The following UGT1A10 variants were observed in gnomAD, a reference collection of about 807,000 sequenced individuals.
UGT1A10 encodes the protein UDP glucuronosyltransferase family 1 member A10.
A neutral mutation model predicts 45.8 loss-of-function variants in UGT1A10; 49 were observed. That is an observed-to-expected ratio of 1.07 (90% CI 0.85 to 1.36). The LOEUF is 1.36. Among genes scored for constraint, UGT1A10 ranks in the 40% most tolerant of loss-of-function variants. UGT1A10 has a pLI of 0.00. For synonymous variants in UGT1A10, 284 were observed against 249.7 expected (o/e 1.14, Z -1.29); for missense variants, 745 against 668.6 (o/e 1.11, Z -1.26).
At chr2:233,727,155 T>C (rs2077588603) in intron 1 of UGT1A10, among the ~76,000 whole-genome samples, 1 of 152,182 alleles carries the variant, frequency 6.6e-6, no homozygotes, top group South Asian at 2.1e-4. Flanking sequence ...GGTCAGTCTT[T>C]CAGGATGCTT....
chr2:233,726,353 T>C lies in UGT1A10; in HGVS notation c.856-40681T>C, dbSNP rs2077527034. Among the ~76,000 whole-genome samples the C allele has an allele frequency of 2.0e-5, 3 of 152,202 alleles. No individual in the cohort carries two copies. The South Asian group carries it at 6.2e-4, about 32-fold the overall frequency. ...CACCTGTGGTTTTTTGATTTATTTA[T>C]TTAAAACACAACAAAAACCAAAATT... On this transcript the variant is annotated intron_variant, in intron 1 of 4. Transcript: ENST00000344644.
At chr2:233,760,501 G>A (rs2125985080) in intron 1 of UGT1A10, 3 of 1,614,238 alleles carry the variant, frequency 1.9e-6, no homozygotes, top group Non-Finnish European at 2.5e-6. Flanking sequence ...CAGAGACGGA[G>A]CATTTTACAC....
In UGT1A10 at chr2:233,693,735, T is replaced by A. The variant is rs375588110; in HGVS notation, c.855+56358T>A. 4.6e-5 allele frequency: 74 copies of A among 1,614,106 alleles called. No individual in the cohort carries two copies. The highest frequency in any genetic ancestry group is 3.3e-5 in the South Asian group (3 of 91,090). ...GTCCTCAAGAGAGATGTGGATATAA[T>A]CACCTTATATCAGAAGGTCTCTGTT... is the stretch of plus-strand genomic sequence containing the variant. On this transcript the variant is annotated intron_variant, in intron 1 of 4. Transcript: ENST00000344644.
intron 1 of UGT1A10, among the ~76,000 whole-genome samples, chr2:233,657,143 C>T (rs552684058): frequency 1.1e-4 from 17 of 152,326 alleles, no homozygotes; most frequent in Non-Finnish European, 2.4e-4. Flanking sequence ...TCTGGTGATG[C>T]CCTGTGGCCT....
At chr2:233,689,865 T>G in intron 1 of UGT1A10, 1 of 456,466 alleles carries the variant, frequency 2.2e-6, no homozygotes. Flanking sequence ...TACTATTACC[T>G]TCTTGCTTAT....
intron 1 of UGT1A10, among the ~76,000 whole-genome samples, chr2:233,660,711 C>T (rs1207136868): frequency 6.6e-6 from 1 of 152,188 alleles, no homozygotes. Context: ...GTGCCCGCTT[C>T]TCTTCCTTAC....
intron 1 of UGT1A10, among the ~76,000 whole-genome samples, chr2:233,645,337 A>G (rs759041120): frequency 5.3e-5 from 8 of 152,188 alleles, no homozygotes; most frequent in Non-Finnish European, 1.0e-4. Flanking sequence ...GCCAAACCAT[A>G]TGATTCCACC....
At chr2:233,743,990 CG>C in intron 1 of UGT1A10, 1 of 1,267,322 alleles carries the variant, frequency 7.9e-7, no homozygotes, top group Admixed American at 2.4e-5. Context: ...GGCGCAGGCC[CG>C]AGTGCTCGGA....
In UGT1A10 at chr2:233,755,218, C is replaced by T. The variant is rs1203897935; in HGVS notation, c.856-11816C>T. 1.4e-5 allele frequency: 14 copies of T among 1,027,208 alleles called. No individual in the cohort carries two copies. In the South Asian group the frequency reaches 1.5e-4, roughly 11 times the overall value. 63.6% of individuals were successfully genotyped at this position (1,027,208 alleles called of 1,614,324 possible). ...AGCTTGCGGTACGCCTTCTTGATACCCTCGGACGAGGCCTACCGGGGTACT... is the reference window on the plus strand; with the variant it reads ...AGCTTGCGGTACGCCTTCTTGATACTCTCGGACGAGGCCTACCGGGGTACT... On this transcript the variant is annotated intron_variant, in intron 1 of 4. Transcript: ENST00000344644.
At chr2:233,703,429 CT>C (rs2075738163) in intron 1 of UGT1A10, among the ~76,000 whole-genome samples, 1 of 151,928 alleles carries the variant, frequency 6.6e-6, no homozygotes, top group Non-Finnish European at 1.5e-5. Context: ...TCTATTGCTT[CT>C]CTATTTCTAT....
intron 1 of UGT1A10, among the ~76,000 whole-genome samples, chr2:233,764,304 G>T (rs1377470557): frequency 6.6e-6 from 1 of 152,130 alleles, no homozygotes; most frequent in Non-Finnish European, 1.5e-5. Context: ...TCAGGGTGAA[G>T]TTTAAGGGAA....
At chr2:233,710,843 G>T (rs1338950468) in intron 1 of UGT1A10, among the ~76,000 whole-genome samples, 1 of 152,164 alleles carries the variant, frequency 6.6e-6, no homozygotes, top group Admixed American at 6.5e-5. Flanking sequence ...AAAGGTGGGA[G>T]GATTTGTTTC....
At chr2:233,690,915 CATTTCTTCAGCTCCTT>C in intron 1 of UGT1A10, 2 of 1,022,090 alleles carry the variant, frequency 2.0e-6, no homozygotes, top group Non-Finnish European at 1.2e-6. Context: ...ATGTTAGTTT[CATTTCTTCAGCTCCTT>C]CCTCCAACTC....
chr2:233,664,585 G>A (rs1559330576), intron 1 of UGT1A10, among the ~76,000 whole-genome samples: 1 of 152,198 alleles, frequency 6.6e-6, no homozygotes, highest in African/African-American at 2.4e-5. Flanking sequence ...GCAGGAGCAT[G>A]TCACATGACA....
At chr2:233,645,152 A>G (rs2073566232) in intron 1 of UGT1A10, among the ~76,000 whole-genome samples, 1 of 152,176 alleles carries the variant, frequency 6.6e-6, no homozygotes, top group African/African-American at 2.4e-5. Context: ...GCATCGATGA[A>G]AGCAATCCAG....
rs3064744 is a variant in UGT1A10, at chr2:233,760,233, C to CATAT, written c.856-6789_856-6786dup. ...ACTTGGTGTATCGATTGGTTTTTGCCATATATATATATATAAGTAGGAGAG... is the reference window on the plus strand; with the variant it reads ...ACTTGGTGTATCGATTGGTTTTTGCCATATATATATATATATATAAGTAGGAGAG... On this transcript the variant is annotated intron_variant, in intron 1 of 4. Coordinates refer to ENST00000344644, the MANE Select transcript of UGT1A10 (RefSeq NM_019075.4). 3.8e-3 allele frequency: 5,602 copies of CATAT among 1,482,566 alleles called. 51 individuals are homozygous for CATAT. The African/African-American group carries it at 0.05, about 13-fold the overall frequency. The allele number at this position is 1,482,566 out of a possible 1,614,324, so 91.8% of individuals were successfully genotyped here.
intron 1 of UGT1A10, among the ~76,000 whole-genome samples, chr2:233,739,752 C>A (rs1309875267): frequency 1.3e-5 from 2 of 152,166 alleles, no homozygotes; most frequent in Non-Finnish European, 2.9e-5. Context: ...GGACTATGGA[C>A]TTTTGAGCTA....
chr2:233,747,590 G>A, intron 1 of UGT1A10: 3 of 1,576,970 alleles, frequency 1.9e-6, no homozygotes, highest in Non-Finnish European at 2.6e-6. Context: ...TCTTTCATAG[G>A]TCTTGTGTGG....
intron 1 of UGT1A10, chr2:233,729,923 C>T (rs760546149): frequency 3.7e-6 from 6 of 1,614,016 alleles, no homozygotes; most frequent in Non-Finnish European, 5.1e-6. Flanking sequence ...ATGGACTACC[C>T]CAGGCCAATC....
Sources: allele counts gnomAD v4.1 joint callset (sites outside exome capture counted in the v4.1 genomes callset), GRCh38; gene constraint gnomAD v4.1.1; transcripts MANE v1.5; gene names NCBI Gene and HGNC (gene_info 2026-07-23, HGNC 2026-07-21).